Variants in KIF26B observed in about 807,000 individuals in gnomAD.
The protein encoded by KIF26B is kinesin-like protein KIF26B.
In KIF26B, 63 loss-of-function variants were observed where a neutral mutation model predicts 151.2. The observed-to-expected ratio is 0.42, with a 90% CI of 0.34 to 0.51. The LOEUF is 0.51. Ranked by LOEUF, KIF26B falls within the 20% of genes least tolerant of loss-of-function variation. The pLI, the probability that KIF26B is intolerant of heterozygous loss-of-function variation, is 0.07. For synonymous variants in KIF26B, 1,357 were observed against 1,262.1 expected, an observed-to-expected ratio of 1.08 and a Z score of -1.59; for missense variants, 2,813 against 2,913.6, an observed-to-expected ratio of 0.97 and a Z score of 0.79.
In KIF26B at chr1:245,671,337, C is replaced by A. The variant is rs540854973; in HGVS notation, c.2259-12896C>A. 2.0e-5 allele frequency among the ~76,000 whole-genome samples: 3 copies of A among 152,146 alleles called. No homozygotes were observed. In the South Asian group the frequency reaches 6.2e-4, roughly 32 times the overall value. On this transcript the variant is annotated intron_variant, in intron 10 of 14. Transcript: ENST00000407071. ...TCTGATACATGCTGTTAATATAACA[C>A]GGATGTACCTTGCAAGCATGTTGAG... is the stretch of plus-strand genomic sequence containing the variant.
chr1:245,357,800 A>G (rs897815615), intron 2 of KIF26B, among the ~76,000 whole-genome samples: 1 of 152,222 alleles, frequency 6.6e-6, no homozygotes, highest in Non-Finnish European at 1.5e-5. Context: ...GGGACGTGTG[A>G]CAAGGTGGCC....
intron 9 of KIF26B, among the ~76,000 whole-genome samples, chr1:245,633,356 A>G (rs955159973): frequency 6.6e-6 from 1 of 151,998 alleles, no homozygotes; most frequent in African/African-American, 2.4e-5. Flanking sequence ...TTTACATTCA[A>G]GGATGTCATT....
intron 5 of KIF26B, among the ~76,000 whole-genome samples, chr1:245,549,408 T>C (rs916229912): frequency 3.9e-5 from 6 of 152,180 alleles, no homozygotes; most frequent in African/African-American, 1.4e-4. Flanking sequence ...AAAAACCACA[T>C]TTTAGTTAAG....
chr1:245,531,307 G>A (rs576028861), intron 4 of KIF26B, among the ~76,000 whole-genome samples: 1 of 152,278 alleles, frequency 6.6e-6, no homozygotes, highest in Admixed American at 6.5e-5. Context: ...TTAACATGAT[G>A]TAGTAGAAAG....
At position 245,674,115 on chromosome 1, in the gene KIF26B, G is replaced by A. The variant is rs113972783; in HGVS notation, c.2259-10118G>A. On this transcript the variant is annotated intron_variant, in intron 10 of 14. Coordinates refer to ENST00000407071, the MANE Select transcript of KIF26B (RefSeq NM_018012.4). ...TCAAAGTTTCTAAATAGTACAATGA[G>A]CTCATCTTGACTCAAAAGATGTGTA... is the stretch of plus-strand genomic sequence containing the variant. Among the ~76,000 whole-genome samples the A allele has an allele frequency of 6.9e-3, 1,050 of 152,282 alleles. 16 individuals carry two copies. Among genetic ancestry groups the A allele is most frequent in the African/African-American group, 0.019 (803 of 41,556 alleles).
At chr1:245,303,245 C>CTGGA (rs1671467103) in intron 2 of KIF26B, among the ~76,000 whole-genome samples, 1 of 141,990 alleles carries the variant, frequency 7.0e-6, no homozygotes, top group Non-Finnish European at 1.5e-5. Flanking sequence ...GTCGCCCAGG[C>CTGGA]CGGAGTGCAG....
intron 9 of KIF26B, among the ~76,000 whole-genome samples, chr1:245,626,486 G>A (rs1228896283): frequency 2.0e-5 from 3 of 151,612 alleles, no homozygotes; most frequent in African/African-American, 7.3e-5. Context: ...GCACATCCCT[G>A]ATGATTAGGG....
intron 4 of KIF26B, among the ~76,000 whole-genome samples, chr1:245,528,262 C>G (rs891215654): frequency 1.3e-5 from 2 of 152,154 alleles, no homozygotes; most frequent in African/African-American, 2.4e-5. Context: ...ACAGGCTAAA[C>G]AGCAGGAAGA....
chr1:245,686,658 C>T lies in KIF26B; in HGVS notation c.3675C>T (p.Gly1225=). 6.2e-7 allele frequency: 1 copy of T among 1,611,286 alleles called. No homozygotes were observed. Among genetic ancestry groups the T allele is most frequent in the Non-Finnish European group, 8.5e-7 (1 of 1,178,986 alleles). Residue 1225 remains glycine, a synonymous_variant, in exon 12 of 15, where the codon GGC becomes GGT. Coordinates refer to ENST00000407071, the MANE Select transcript of KIF26B (RefSeq NM_018012.4). The surrounding 1 kb of genome is among the most constrained non-coding windows in gnomAD (Gnocchi z 5.6). ...SDCSARALAS[G]SRPVSIISSI... is the part of the protein sequence containing the mutation. The stretch of plus-strand genomic sequence containing the variant: ...GCTCTGCACGGGCCCTGGCCTCGGG[C>T]TCGCGGCCCGTCAGCATCATCAGCA...
intron 5 of KIF26B, among the ~76,000 whole-genome samples, chr1:245,550,349 T>C (rs536830195): frequency 1.3e-5 from 2 of 152,330 alleles, no homozygotes; most frequent in African/African-American, 4.8e-5. Flanking sequence ...GCTTCTTCAG[T>C]TTCCGCTGAG....
intron 4 of KIF26B, among the ~76,000 whole-genome samples, chr1:245,462,684 C>G (rs1659676775): frequency 6.6e-6 from 1 of 152,132 alleles, no homozygotes; most frequent in Non-Finnish European, 1.5e-5. Flanking sequence ...TTTACAGGCA[C>G]TCTTGTTTTG....
chr1:245,241,249 G>A lies in KIF26B; in HGVS notation c.465+84566G>A, dbSNP rs773900321. ...TGTGAAGTGAAGGTGGAATGACCAG[G>A]ATGGCCAGAGCCAGAGGAAGACCAC... On this transcript the variant is annotated intron_variant, in intron 2 of 14. Transcript: ENST00000407071. This position sits in a 1 kb window ranked among gnomAD's most constrained non-coding sequence, Gnocchi z 5.0. 3.3e-5 allele frequency among the ~76,000 whole-genome samples: 5 copies of A among 152,158 alleles called. No homozygotes were observed. Among genetic ancestry groups the A allele is most frequent in the Admixed American group, 3.3e-4 (5 of 15,278 alleles).
chr1:245,590,905 C>CA (rs1397008835), intron 5 of KIF26B, among the ~76,000 whole-genome samples: 1,441 of 93,632 alleles, frequency 0.015, 57 homozygotes, highest in African/African-American at 0.056. Flanking sequence ...GATCCTGTCT[C>CA]AAAAAAAAGA....
intron 14 of KIF26B, among the ~76,000 whole-genome samples, chr1:245,699,687 G>A (rs909865815): frequency 1.3e-5 from 2 of 152,278 alleles, no homozygotes; most frequent in African/African-American, 2.4e-5. Context: ...GCTATTACAC[G>A]GATATAGGAG....
Position 245,352,784 on chromosome 1 carries a change from C to T in KIF26B, c.466-14050C>T, listed in dbSNP as rs958855179. ...AGCCTGTCTTACTAGTACGGGTTCC[C>T]CAACCCCACGACTAGAACTATCTTA... On this transcript the variant is annotated intron_variant, in intron 2 of 14. Coordinates refer to ENST00000407071, the MANE Select transcript of KIF26B (RefSeq NM_018012.4). This position sits in a 1 kb window ranked among gnomAD's most constrained non-coding sequence, Gnocchi z 5.0. Among the ~76,000 whole-genome samples the T allele has an allele frequency of 6.6e-6, 1 of 152,024 alleles. No individual in the cohort carries two copies. Among genetic ancestry groups the T allele is most frequent in the Admixed American group, 6.6e-5 (1 of 15,236 alleles).
intron 5 of KIF26B, among the ~76,000 whole-genome samples, chr1:245,569,170 G>A (rs948314951): frequency 3.3e-5 from 5 of 152,148 alleles, no homozygotes; most frequent in African/African-American, 7.2e-5. Flanking sequence ...TGAAGCCAGA[G>A]AAGTAAGCAA....
At chr1:245,683,800 CA>C (rs1245274114) in intron 10 of KIF26B, among the ~76,000 whole-genome samples, 1 of 152,208 alleles carries the variant, frequency 6.6e-6, no homozygotes, top group East Asian at 1.9e-4. Flanking sequence ...AGGTTCGTGG[CA>C]GGGGGACTCC....
chr1:245,513,096 C>G (rs1355456656), intron 4 of KIF26B, among the ~76,000 whole-genome samples: 1 of 152,048 alleles, frequency 6.6e-6, no homozygotes, highest in East Asian at 1.9e-4. Context: ...AAGAAACCAT[C>G]TTTCGAGTTT....
At chr1:245,565,309 G>T (rs548427687) in intron 5 of KIF26B, among the ~76,000 whole-genome samples, 73 of 145,524 alleles carry the variant, frequency 5.0e-4, no homozygotes, top group South Asian at 1.3e-3. Flanking sequence ...TTTATTTTGA[G>T]ACAGAGTCTC....
Sources: gnomAD v4.1 joint callset for allele counts (sites outside exome capture counted in the v4.1 genomes callset) on GRCh38, gnomAD v4.1.1 for gene constraint, Gnocchi (gnomAD v3.1) non-coding constraint, MANE v1.5 for transcripts, NCBI Gene and HGNC (gene_info 2026-07-23, HGNC 2026-07-21) for gene names.